The following ADAMTS6 variants were observed in gnomAD, a reference collection of about 807,000 sequenced individuals.
ADAMTS6 encodes ADAM metallopeptidase with thrombospondin type 1 motif 6.
In ADAMTS6, 23 loss-of-function variants were observed where a neutral mutation model predicts 144.3. That is an observed-to-expected ratio of 0.16 (90% CI 0.11 to 0.23). ADAMTS6 has a LOEUF of 0.23. Ranked by LOEUF, ADAMTS6 falls within the 10% of genes least tolerant of loss-of-function variation. The pLI is 1.00. For synonymous variants in ADAMTS6, 444 were observed against 457.5 expected (o/e 0.97, Z 0.38); for missense variants, 999 against 1,379.6 (o/e 0.72, Z 4.37).
chr5:65,276,352 T>C (rs1015835813), intron 11 of ADAMTS6, among the ~76,000 whole-genome samples: 8 of 152,184 alleles, frequency 5.3e-5, no homozygotes, highest in African/African-American at 1.9e-4. Flanking sequence ...AATTCTATGT[T>C]GAGGAACACT....
rs1243822828 is a variant in ADAMTS6, at chr5:65,215,318, A to T, written c.2436+6T>A. On this transcript the variant is annotated splice_donor_region_variant and intron_variant, in intron 19 of 24. Transcript: ENST00000381055. ...AGAAGAAATACAATGGCAAAGACGC[A>T]TTTACCATGACGATGAGATTTTCTG... 1 of 1,612,628 alleles carries T rather than the reference A, an allele frequency of 6.2e-7. No homozygotes were observed. Among genetic ancestry groups the T allele is most frequent in the East Asian group, 2.2e-5 (1 of 44,870 alleles).
chr5:65,253,812 C>CTTTTTTTTTTTTT lies in ADAMTS6; in HGVS notation c.1830+6775_1830+6787dup, dbSNP rs759508097. Among the ~76,000 whole-genome samples the CTTTTTTTTTTTTT allele has an allele frequency of 9.0e-5, 6 of 66,998 alleles. 1 individual carries two copies. Among genetic ancestry groups the CTTTTTTTTTTTTT allele is most frequent in the Non-Finnish European group, 7.7e-5 (3 of 39,090 alleles). The allele number at this position is 66,998 out of a possible 152,430, so 44.0% of individuals were successfully genotyped here. A position where few individuals can be genotyped will look rare whatever the true frequency, so the allele number is the denominator to read the frequency against. On this transcript the variant is annotated intron_variant, in intron 14 of 24. Transcript: ENST00000381055. ...TAAAGTCTTGCTTACAATATTCAAT[C>CTTTTTTTTTTTTT]TTTTTTTTTTTTTTTTTTTTTTTTT... is the stretch of plus-strand genomic sequence containing the variant.
At chr5:65,335,662 A>G (rs1747233085) in intron 7 of ADAMTS6, among the ~76,000 whole-genome samples, 1 of 152,184 alleles carries the variant, frequency 6.6e-6, no homozygotes. Context: ...CTAGGAATAG[A>G]AAGATAAATA....
chr5:65,402,269 T>A (rs567268535), intron 7 of ADAMTS6, among the ~76,000 whole-genome samples: 4 of 152,086 alleles, frequency 2.6e-5, no homozygotes, highest in Non-Finnish European at 5.9e-5. Flanking sequence ...ATGAACTCAC[T>A]TGCGAAAACA....
chr5:65,297,908 C>T (rs1742997391), intron 10 of ADAMTS6, among the ~76,000 whole-genome samples: 5 of 152,066 alleles, frequency 3.3e-5, no homozygotes, highest in Admixed American at 3.3e-4. Context: ...TGAGGATGCA[C>T]ATGAGAAATA....
chr5:65,371,267 C>T (rs183764405), intron 7 of ADAMTS6, among the ~76,000 whole-genome samples: 1,720 of 152,286 alleles, frequency 0.011, 14 homozygotes, highest in Non-Finnish European at 0.019. Context: ...CAAAGCTGGA[C>T]GGAGAATGAC....
In ADAMTS6 at chr5:65,452,695, G is replaced by A; in HGVS notation, c.843+12C>T. The A allele has an allele frequency of 1.9e-6, 3 of 1,612,994 alleles. No individual in the cohort carries two copies. Among genetic ancestry groups the A allele is most frequent in the Non-Finnish European group, 2.5e-6 (3 of 1,179,218 alleles). ...TATGAAGTAAAATATTATATAGAGG[G>A]ATCAAACTTACAATATTCATCACAC... On this transcript the variant is annotated intron_variant, in intron 5 of 24. Transcript: ENST00000381055.
At chr5:65,156,345 C>CA (rs1289792498) in intron 24 of ADAMTS6, among the ~76,000 whole-genome samples, 4 of 150,420 alleles carry the variant, frequency 2.7e-5, no homozygotes, top group East Asian at 3.9e-4. Context: ...AACAAAAAAC[C>CA]AAAAAAACAA....
intron 11 of ADAMTS6, 62 bp downstream of exon 11, chr5:65,291,267 T>G: frequency 6.5e-7 from 1 of 1,539,760 alleles, no homozygotes; most frequent in South Asian, 1.3e-5. Flanking sequence ...AATTCCATCT[T>G]AACATCTGTG....
chr5:65,222,717 T>A (rs1291689363), intron 18 of ADAMTS6, among the ~76,000 whole-genome samples: 1 of 152,036 alleles, frequency 6.6e-6, no homozygotes, highest in African/African-American at 2.4e-5. Context: ...TTAATAAATA[T>A]ATTTTATATT....
intron 4 of ADAMTS6, among the ~76,000 whole-genome samples, chr5:65,459,717 T>C (rs1234034596): frequency 6.6e-6 from 1 of 152,158 alleles, no homozygotes; most frequent in Non-Finnish European, 1.5e-5. Context: ...AGTCTAAGTT[T>C]GTTGCCCGTA....
chr5:65,319,718 AG>A (rs554564256), intron 9 of ADAMTS6, among the ~76,000 whole-genome samples: 3 of 8,700 alleles, frequency 3.4e-4, no homozygotes, highest in Admixed American at 2.1e-3. Context: ...GAGGGAGGGA[AG>A]GGAGGGAGGG....
chr5:65,454,345 A>AC (rs1580745481), intron 4 of ADAMTS6, among the ~76,000 whole-genome samples: 1 of 152,200 alleles, frequency 6.6e-6, no homozygotes, highest in Non-Finnish European at 1.5e-5. Flanking sequence ...TGATCATGAG[A>AC]CCCATCAGTT....
At chr5:65,449,953 T>G (rs1372566836) in intron 7 of ADAMTS6, among the ~76,000 whole-genome samples, 1 of 152,208 alleles carries the variant, frequency 6.6e-6, no homozygotes, top group African/African-American at 2.4e-5. Flanking sequence ...GTGCGTCATA[T>G]TTGGGAAGAC....
At chr5:65,249,252 G>A (rs1759933163) in intron 14 of ADAMTS6, among the ~76,000 whole-genome samples, 1 of 152,150 alleles carries the variant, frequency 6.6e-6, no homozygotes, top group Non-Finnish European at 1.5e-5. Context: ...CTGGGGAGAA[G>A]CAACTTCCTG....
intron 11 of ADAMTS6, among the ~76,000 whole-genome samples, chr5:65,277,366 T>C (rs1431614231): frequency 6.6e-6 from 1 of 152,136 alleles, no homozygotes; most frequent in African/African-American, 2.4e-5. Flanking sequence ...ATGGCATGGA[T>C]TGGTATTGCT....
chr5:65,336,993 A>G (rs1324545120), intron 7 of ADAMTS6, among the ~76,000 whole-genome samples: 4 of 152,140 alleles, frequency 2.6e-5, no homozygotes, highest in African/African-American at 9.7e-5. Context: ...AATATGTATC[A>G]TGGAATAGCA....
At chr5:65,223,007 T>G (rs1757438368) in intron 18 of ADAMTS6, among the ~76,000 whole-genome samples, 3 of 151,540 alleles carry the variant, frequency 2.0e-5, no homozygotes, top group Admixed American at 2.0e-4. Flanking sequence ...AAAAAAAATT[T>G]TAAATGGGTA....
chr5:65,297,256 T>C (rs1437547159), intron 10 of ADAMTS6: 1 of 456,170 alleles, frequency 2.2e-6, no homozygotes, highest in Non-Finnish European at 4.4e-6. Flanking sequence ...TGAAAAAAAA[T>C]ATTGGGAGTT....
Sources: allele counts gnomAD v4.1 joint callset (sites outside exome capture counted in the v4.1 genomes callset), GRCh38; gene constraint gnomAD v4.1.1; transcripts MANE v1.5; gene names NCBI Gene and HGNC (gene_info 2026-07-23, HGNC 2026-07-21).